Variants in DPP10 observed in about 807,000 individuals in gnomAD.
DPP10 encodes the protein inactive dipeptidyl peptidase 10.
A neutral mutation model predicts 120.9 loss-of-function variants in DPP10; 33 were observed. The ratio of observed to expected loss-of-function variants is 0.27; its 90% CI spans 0.21 to 0.37. DPP10 has a LOEUF of 0.37. Ranked by LOEUF, DPP10 falls within the 10% of genes least tolerant of loss-of-function variation. The probability of loss-of-function intolerance (pLI) is 1.00; values close to 1 mark genes in which losing one functional copy is unlikely to be tolerated. For synonymous variants in DPP10, 337 were observed against 326.1 expected, an observed-to-expected ratio of 1.03 and a Z score of -0.36; for missense variants, 816 against 942.8, an observed-to-expected ratio of 0.87 and a Z score of 1.76.
At chr2:114,679,283 A>G (rs933429810) in intron 1 of DPP10, among the ~76,000 whole-genome samples, 1 of 152,082 alleles carries the variant, frequency 6.6e-6, no homozygotes, top group Non-Finnish European at 1.5e-5. Context: ...TCTAATGCAG[A>G]GAGTACTTCC....
At chr2:115,359,615 T>C (rs1323775964) in intron 3 of DPP10, among the ~76,000 whole-genome samples, 1 of 152,176 alleles carries the variant, frequency 6.6e-6, no homozygotes, top group Non-Finnish European at 1.5e-5. Context: ...GGTCTTCTTA[T>C]ATCTCATAGG....
At chr2:114,789,501 G>A (rs1045076087) in intron 1 of DPP10, among the ~76,000 whole-genome samples, 7 of 152,200 alleles carry the variant, frequency 4.6e-5, no homozygotes, top group Non-Finnish European at 8.8e-5. Context: ...CTCAGAATGC[G>A]GTTTCTGAGC....
chr2:114,759,904 T>C (rs1238662760), intron 1 of DPP10, among the ~76,000 whole-genome samples: 3 of 152,034 alleles, frequency 2.0e-5, no homozygotes, highest in African/African-American at 7.3e-5. Flanking sequence ...CGGACAAATT[T>C]GAAATAAAAT....
intron 3 of DPP10, among the ~76,000 whole-genome samples, chr2:115,482,564 T>C (rs559497853): frequency 5.3e-5 from 8 of 152,012 alleles, no homozygotes; most frequent in Non-Finnish European, 1.2e-4. Flanking sequence ...TAGCAATCAC[T>C]AATCTACTTT....
chr2:115,602,255 C>T (rs1482451947), intron 5 of DPP10, among the ~76,000 whole-genome samples: 1 of 152,130 alleles, frequency 6.6e-6, no homozygotes, highest in African/African-American at 2.4e-5. Flanking sequence ...GACACAGTCT[C>T]TGTCCTGAAG....
intron 1 of DPP10, among the ~76,000 whole-genome samples, chr2:114,853,158 T>G (rs1689100073): frequency 6.6e-6 from 1 of 152,150 alleles, no homozygotes; most frequent in Non-Finnish European, 1.5e-5. Flanking sequence ...AGTGGTTATC[T>G]CTGGGGGACA....
chr2:115,339,331 A>G (rs1206227976), intron 2 of DPP10, among the ~76,000 whole-genome samples: 1 of 152,200 alleles, frequency 6.6e-6, no homozygotes, highest in East Asian at 1.9e-4. Context: ...GATGCAGAGA[A>G]ACTGGATCAT....
intron 2 of DPP10, among the ~76,000 whole-genome samples, chr2:115,342,375 T>G (rs970528889): frequency 2.3e-4 from 35 of 151,952 alleles, no homozygotes; most frequent in African/African-American, 8.5e-4. Flanking sequence ...CTAGGCTCAT[T>G]TTTTGTTTTA....
At chr2:115,005,843 T>G (rs955691828) in intron 1 of DPP10, among the ~76,000 whole-genome samples, 2 of 152,058 alleles carry the variant, frequency 1.3e-5, no homozygotes, top group Non-Finnish European at 2.9e-5. Flanking sequence ...CAGGCCAACA[T>G]TCAGATTCAG....
At chr2:114,691,354 T>G (rs1382190222) in intron 1 of DPP10, among the ~76,000 whole-genome samples, 2 of 152,082 alleles carry the variant, frequency 1.3e-5, no homozygotes, top group African/African-American at 4.8e-5. Context: ...TCTGTTGATG[T>G]GAGGAATCAC....
At chr2:115,146,823 C>T (rs2051249481) in intron 1 of DPP10, among the ~76,000 whole-genome samples, 1 of 152,140 alleles carries the variant, frequency 6.6e-6, no homozygotes, top group African/African-American at 2.4e-5. Flanking sequence ...CTTGCTCCTT[C>T]CCACATATGA....
intron 1 of DPP10, among the ~76,000 whole-genome samples, chr2:114,787,855 T>C (rs554312560): frequency 6.6e-6 from 1 of 152,236 alleles, no homozygotes; most frequent in African/African-American, 2.4e-5. Flanking sequence ...ATCCTCAAAT[T>C]ATCTAAATTC....
At chr2:115,546,969 G>A (rs934433039) in intron 5 of DPP10, among the ~76,000 whole-genome samples, 8 of 152,058 alleles carry the variant, frequency 5.3e-5, no homozygotes, top group African/African-American at 1.2e-4. Context: ...ATTAACATCC[G>A]CTGAGCCTGA....
intron 15 of DPP10, among the ~76,000 whole-genome samples, chr2:115,778,833 T>A (rs1489575173): frequency 1.3e-5 from 2 of 152,084 alleles, no homozygotes; most frequent in Non-Finnish European, 2.9e-5. Flanking sequence ...ATAAGTTTAT[T>A]CTCGTGGACC....
chr2:115,513,672 A>G (rs1308973709), intron 4 of DPP10, among the ~76,000 whole-genome samples: 2 of 151,946 alleles, frequency 1.3e-5, no homozygotes, highest in Non-Finnish European at 2.9e-5. Flanking sequence ...CATGTTTTTC[A>G]CCCCTTTGTA....
intron 1 of DPP10, among the ~76,000 whole-genome samples, chr2:115,133,627 A>C (rs1412946826): frequency 6.6e-6 from 1 of 152,166 alleles, no homozygotes; most frequent in African/African-American, 2.4e-5. Context: ...TGAGAAGATG[A>C]GTGAGCTGCT....
At chr2:115,070,935 A>G (rs1365682292) in intron 1 of DPP10, among the ~76,000 whole-genome samples, 1 of 152,180 alleles carries the variant, frequency 6.6e-6, no homozygotes, top group Non-Finnish European at 1.5e-5. Flanking sequence ...AATTTCCCAG[A>G]TAGTCAAAAA....
intron 1 of DPP10, among the ~76,000 whole-genome samples, chr2:115,253,405 G>C (rs2058836889): frequency 6.6e-6 from 1 of 151,994 alleles, no homozygotes; most frequent in African/African-American, 2.4e-5. Context: ...TGTCCCAATA[G>C]TCCCCCAATG....
rs528292688 is a variant in DPP10, at chr2:115,288,210, A to G, written c.61-21029A>G. ...TTTTTTAATTTAAATTTTTTTTTTC[A>G]TAATGACCATTCTGGCTGGAGTAAG... On this transcript the variant is annotated intron_variant, in intron 1 of 25. Transcript: ENST00000410059. Among the ~76,000 whole-genome samples, 3 of 151,686 alleles carry G rather than the reference A, an allele frequency of 2.0e-5. No individual in the cohort carries two copies. In the East Asian group the frequency reaches 5.8e-4, roughly 29 times the overall value.
Sources: gnomAD v4.1 joint callset for allele counts (sites outside exome capture counted in the v4.1 genomes callset) on GRCh38, gnomAD v4.1.1 for gene constraint, MANE v1.5 for transcripts, NCBI Gene and HGNC (gene_info 2026-07-23, HGNC 2026-07-21) for gene names.